The following FOXP1 variants were observed in gnomAD, a reference collection of about 807,000 sequenced individuals.
FOXP1 encodes forkhead box P1.
Under a neutral mutation model 98.2 loss-of-function variants are expected in FOXP1, and 15 were observed. The ratio of observed to expected loss-of-function variants is 0.15; its 90% CI spans 0.10 to 0.24. FOXP1 has a LOEUF of 0.24. FOXP1 is among the 10% of genes least tolerant of loss of function. FOXP1 has a pLI of 1.00. For missense variants in FOXP1, 633 were observed against 848.5 expected (o/e 0.75, Z 3.15); for synonymous variants, 371 against 314.5 (o/e 1.18, Z -1.90).
chr3:71,236,816 T>G (rs2066818631), intron 5 of FOXP1, among the ~76,000 whole-genome samples: 1 of 150,266 alleles, frequency 6.7e-6, no homozygotes, highest in Non-Finnish European at 1.5e-5. Context: ...GAGGCTGCAA[T>G]GAGCCATAAT....
intron 5 of FOXP1, among the ~76,000 whole-genome samples, chr3:71,240,743 C>T (rs1288566917): frequency 2.0e-5 from 3 of 150,564 alleles, no homozygotes; most frequent in South Asian, 4.3e-4. Context: ...GACAGGGTTT[C>T]ACCATGTTAG....
At chr3:71,426,744 T>G (rs970060874) in intron 3 of FOXP1, among the ~76,000 whole-genome samples, 2 of 152,162 alleles carry the variant, frequency 1.3e-5, no homozygotes, top group African/African-American at 4.8e-5. Flanking sequence ...TCTAAAATAG[T>G]TCCCCTTCTT....
chr3:71,482,691 C>T (rs1218962294), intron 3 of FOXP1, among the ~76,000 whole-genome samples: 1 of 152,066 alleles, frequency 6.6e-6, no homozygotes. Context: ...TCTGCCACCA[C>T]ACCTGGCCTA....
rs143167182 is a variant in FOXP1, at chr3:71,020,887, G to A, written c.870-5234C>T. 1.6e-4 allele frequency among the ~76,000 whole-genome samples: 25 copies of A among 151,982 alleles called. No homozygotes were observed. In the East Asian group the frequency reaches 2.5e-3, roughly 15 times the overall value. ...GGCTACGTACATCTGTGCCCATTAC[G>A]GTTTATGCCTCCCCACAAACACCAA... On this transcript the variant is annotated intron_variant, in intron 11 of 20. Transcript: ENST00000649528.
chr3:71,533,042 TAA>T (rs1315008670), intron 2 of FOXP1, among the ~76,000 whole-genome samples: 2 of 152,182 alleles, frequency 1.3e-5, no homozygotes, highest in Admixed American at 1.3e-4. Context: ...TACCAGAAGG[TAA>T]AGTTACCATA....
At chr3:71,505,046 C>A (rs564696382) in intron 2 of FOXP1, among the ~76,000 whole-genome samples, 1 of 152,282 alleles carries the variant, frequency 6.6e-6, no homozygotes, top group South Asian at 2.1e-4. Flanking sequence ...GTGACAGAGC[C>A]ACATCTTTCT....
intron 5 of FOXP1, among the ~76,000 whole-genome samples, chr3:71,286,295 T>C (rs116238966): frequency 0.011 from 1,659 of 151,070 alleles, 21 homozygotes; most frequent in Admixed American, 0.032. Flanking sequence ...TACCACCATG[T>C]AGAGTGTCCC....
At chr3:71,349,393 T>C (rs974185294) in intron 4 of FOXP1, among the ~76,000 whole-genome samples, 4 of 152,204 alleles carry the variant, frequency 2.6e-5, no homozygotes, top group African/African-American at 9.7e-5. Flanking sequence ...TTAATCCAAA[T>C]TGCACAGTGA....
At chr3:71,250,775 C>CA (rs1168367721) in intron 5 of FOXP1, among the ~76,000 whole-genome samples, 2 of 151,880 alleles carry the variant, frequency 1.3e-5, no homozygotes, top group Admixed American at 1.3e-4. Context: ...TACTAAAATA[C>CA]AAAAAATTAG....
rs1381972129 is a variant in FOXP1, at chr3:71,581,619, TCCCCGGCGCCGCTGCCGCTGC to T, written c.-389_-369del. 1.0e-6 allele frequency: 1 copy of T among 985,464 alleles called. No individual in the cohort carries two copies. Among genetic ancestry groups the T allele is most frequent in the Non-Finnish European group, 1.2e-6 (1 of 829,988 alleles). 61.0% of individuals were successfully genotyped at this position (985,464 alleles called of 1,614,324 possible). A position where few individuals can be genotyped will look rare whatever the true frequency, so the allele number is the denominator to read the frequency against. ...GGAGGAGGCGCCGGCAGCACCATGG[TCCCCGGCGCCGCTGCCGCTGC>T]CCCCGGCCCGCTCGCTCGCTCGCCG... is the stretch of plus-strand genomic sequence containing the variant. On this transcript the variant is annotated 5_prime_UTR_variant, in exon 2 of 21. Coordinates refer to ENST00000649528, the MANE Select transcript of FOXP1 (RefSeq NM_001349338.3).
chr3:71,578,935 T>A (rs1559553288), intron 2 of FOXP1, among the ~76,000 whole-genome samples: 1 of 152,232 alleles, frequency 6.6e-6, no homozygotes, highest in Non-Finnish European at 1.5e-5. Context: ...CATTACATAT[T>A]GCAGAAAATT....
chr3:70,956,572 T>G lies in FOXP1; in HGVS notation c.*2675A>C, dbSNP rs2031843937. 4.3e-6 allele frequency: 1 copy of G among 230,182 alleles called. No homozygotes were observed. The highest frequency in any genetic ancestry group is 8.6e-6 in the Non-Finnish European group (1 of 116,158). The allele number at this position is 230,182 out of a possible 1,614,324, so 14.3% of individuals were successfully genotyped here. A position where few individuals can be genotyped will look rare whatever the true frequency, so the allele number is the denominator to read the frequency against. ...CAGTTTCTCATGCTGTTATCTTTAC[T>G]CATGTCTAGCTACACATGCTGAGAA... On this transcript the variant is annotated 3_prime_UTR_variant, in exon 21 of 21. Coordinates refer to ENST00000649528, the MANE Select transcript of FOXP1 (RefSeq NM_001349338.3).
chr3:71,205,291 G>A (rs951609144), intron 5 of FOXP1, among the ~76,000 whole-genome samples: 1 of 152,076 alleles, frequency 6.6e-6, no homozygotes, highest in African/African-American at 2.4e-5. Context: ...AGTAATATGA[G>A]GGCCAAAACT....
intron 3 of FOXP1, among the ~76,000 whole-genome samples, chr3:71,417,562 GT>G (rs1416738104): frequency 3.6e-3 from 29 of 8,168 alleles, no homozygotes; most frequent in South Asian, 0.026. Context: ...GGAGCTTCTT[GT>G]GATTTTTTTT....
chr3:71,338,635 A>AAGCC (rs1217558502), intron 4 of FOXP1, among the ~76,000 whole-genome samples: 1 of 151,836 alleles, frequency 6.6e-6, no homozygotes, highest in Non-Finnish European at 1.5e-5. Context: ...TCACCCTATT[A>AAGCC]AGCCAGGATG....
At chr3:71,557,463 C>T (rs1399026100) in intron 2 of FOXP1, among the ~76,000 whole-genome samples, 1 of 151,994 alleles carries the variant, frequency 6.6e-6, no homozygotes, top group East Asian at 1.9e-4. Flanking sequence ...AGAAAATGTC[C>T]TCCAAAACTC....
At chr3:71,261,569 T>C (rs2069140470) in intron 5 of FOXP1, among the ~76,000 whole-genome samples, 1 of 152,178 alleles carries the variant, frequency 6.6e-6, no homozygotes, top group Non-Finnish European at 1.5e-5. Context: ...TTTATCAACA[T>C]CTATCTACCC....
intron 11 of FOXP1, among the ~76,000 whole-genome samples, chr3:71,019,600 T>C (rs551021288): frequency 6.6e-6 from 1 of 152,048 alleles, no homozygotes; most frequent in South Asian, 2.1e-4. Context: ...GAGGCCGCAG[T>C]GTGTGGATCA....
intron 6 of FOXP1, among the ~76,000 whole-genome samples, chr3:71,193,941 C>T (rs759324256): frequency 9.8e-5 from 15 of 152,286 alleles, no homozygotes; most frequent in Middle Eastern, 3.4e-3. Context: ...CCGTTCCCAC[C>T]TCCTTGCTAG....
Sources: gnomAD v4.1 joint callset for allele counts (sites outside exome capture counted in the v4.1 genomes callset) on GRCh38, gnomAD v4.1.1 for gene constraint, MANE v1.5 for transcripts, NCBI Gene and HGNC (gene_info 2026-07-23, HGNC 2026-07-21) for gene names.